GRM7: variants seen among roughly 807,000 people sequenced by gnomAD.
GRM7 encodes the protein glutamate metabotropic receptor 7.
A neutral mutation model predicts 84.5 loss-of-function variants in GRM7; 35 were observed. That is an observed-to-expected ratio of 0.41 (90% CI 0.32 to 0.55). The LOEUF (loss-of-function observed/expected upper bound fraction) is 0.55, where lower values mean the gene tolerates loss of function less well. Among genes scored for constraint, GRM7 ranks in the 20% least tolerant of loss-of-function variants. The pLI, the probability that GRM7 is intolerant of heterozygous loss-of-function variation, is 0.19. For synonymous variants in GRM7, 487 were observed against 455.1 expected (o/e 1.07, Z -0.89); for missense variants, 1,003 against 1,194.6 (o/e 0.84, Z 2.36).
In GRM7 at chr3:7,615,576, C is replaced by A. The variant is rs558954701; in HGVS notation, c.2451+36219C>A. ...TGGATAATATTTTTCCTATGGAAAA[C>A]TGACTTCTGCTTCTGAGTAAGGCTG... On this transcript the variant is annotated intron_variant, in intron 8 of 9. Coordinates refer to ENST00000357716, the MANE Select transcript of GRM7 (RefSeq NM_000844.4). Among the ~76,000 whole-genome samples the A allele has an allele frequency of 1.2e-4, 19 of 152,152 alleles. No individual in the cohort carries two copies. In the South Asian group the frequency reaches 3.7e-3, roughly 30 times the overall value.
intron 7 of GRM7, chr3:7,559,174 GC>G (rs1467374523): frequency 1.3e-5 from 2 of 149,078 alleles, no homozygotes; most frequent in Non-Finnish European, 3.0e-5. Context: ...TTACCAAGGG[GC>G]CTTGCACTGA....
At chr3:7,726,854 G>A (rs1226492309) in intron 9 of GRM7, among the ~76,000 whole-genome samples, 1 of 149,656 alleles carries the variant, frequency 6.7e-6, no homozygotes, top group Non-Finnish European at 1.5e-5. Flanking sequence ...TCCCAACATG[G>A]CTGTTTCCTT....
intron 7 of GRM7, among the ~76,000 whole-genome samples, chr3:7,505,855 C>T (rs543779613): frequency 3.9e-5 from 6 of 152,260 alleles, no homozygotes; most frequent in African/African-American, 1.4e-4. Flanking sequence ...AAATGTCTTC[C>T]AAGTTTTTCT....
chr3:7,257,962 G>C (rs2124951833), intron 2 of GRM7, among the ~76,000 whole-genome samples: 1 of 152,192 alleles, frequency 6.6e-6, no homozygotes, highest in South Asian at 2.1e-4. Context: ...AGTTTTGATT[G>C]ATTGAGCCAT....
intron 1 of GRM7, among the ~76,000 whole-genome samples, chr3:6,937,997 A>G (rs1322835870): frequency 6.6e-6 from 1 of 152,170 alleles, no homozygotes; most frequent in Non-Finnish European, 1.5e-5. Flanking sequence ...CTGAGTGGGG[A>G]AAAGTTAAGA....
Position 7,697,111 on chromosome 3 carries a change from C to T in GRM7, c.2698+16816C>T, listed in dbSNP as rs937579103. On this transcript the variant is annotated intron_variant, in intron 9 of 9. Coordinates refer to ENST00000357716, the MANE Select transcript of GRM7 (RefSeq NM_000844.4). ...GTCTTTCTTTCTATGAACTTGCATACAAGCTATACATTTTTAAAAATATTG... is the reference window on the plus strand; with the variant it reads ...GTCTTTCTTTCTATGAACTTGCATATAAGCTATACATTTTTAAAAATATTG... Among the ~76,000 whole-genome samples the T allele has an allele frequency of 1.1e-4, 16 of 152,050 alleles. 1 individual carries two copies. The highest frequency in any genetic ancestry group is 1.5e-5 in the Non-Finnish European group (1 of 68,008).
At chr3:7,612,909 T>C (rs1441342682) in intron 8 of GRM7, among the ~76,000 whole-genome samples, 1 of 152,212 alleles carries the variant, frequency 6.6e-6, no homozygotes, top group African/African-American at 2.4e-5. Context: ...CAGGATTTCA[T>C]TTCTTTCAAC....
At chr3:7,728,940 G>A (rs1702219427) in intron 9 of GRM7, among the ~76,000 whole-genome samples, 1 of 152,066 alleles carries the variant, frequency 6.6e-6, no homozygotes, top group African/African-American at 2.4e-5. Context: ...TTCCTAGCTG[G>A]TCTTCTTTCT....
chr3:7,355,583 C>T (rs1693362119), intron 4 of GRM7, among the ~76,000 whole-genome samples: 1 of 152,062 alleles, frequency 6.6e-6, no homozygotes, highest in Non-Finnish European at 1.5e-5. Flanking sequence ...CAGCTTTTGG[C>T]ACTCTACTAA....
At chr3:7,387,201 T>C (rs1425699976) in intron 4 of GRM7, among the ~76,000 whole-genome samples, 1 of 152,218 alleles carries the variant, frequency 6.6e-6, no homozygotes. Context: ...CTCTGTTCGA[T>C]GCATAGTTTC....
intron 1 of GRM7, among the ~76,000 whole-genome samples, chr3:6,929,472 A>C (rs1398949127): frequency 6.6e-6 from 1 of 152,212 alleles, no homozygotes; most frequent in Non-Finnish European, 1.5e-5. Context: ...GTTCATGAAG[A>C]TGATACAGTA....
intron 2 of GRM7, among the ~76,000 whole-genome samples, chr3:7,216,386 A>G (rs1055052196): frequency 1.3e-5 from 2 of 152,202 alleles, no homozygotes; most frequent in Non-Finnish European, 2.9e-5. Context: ...GTGTTTCTGT[A>G]TCTGTGATAG....
chr3:7,121,222 A>G (rs1321389851), intron 1 of GRM7, among the ~76,000 whole-genome samples: 3 of 152,174 alleles, frequency 2.0e-5, no homozygotes, highest in Non-Finnish European at 2.9e-5. Context: ...AAAAGAAGTG[A>G]CTAATTGACC....
chr3:7,204,365 G>A (rs965045952), intron 2 of GRM7, among the ~76,000 whole-genome samples: 3 of 152,216 alleles, frequency 2.0e-5, no homozygotes, highest in African/African-American at 7.2e-5. Context: ...TCTTTTTCAT[G>A]CCCAGAGCAA....
intron 7 of GRM7, among the ~76,000 whole-genome samples, chr3:7,534,296 G>A (rs748180016): frequency 2.6e-5 from 4 of 152,156 alleles, no homozygotes; most frequent in Non-Finnish European, 5.9e-5. Flanking sequence ...TTACAGGCGT[G>A]AGCCATGGCG....
intron 7 of GRM7, among the ~76,000 whole-genome samples, chr3:7,530,453 A>G (rs1414058540): frequency 6.6e-6 from 1 of 152,186 alleles, no homozygotes; most frequent in Non-Finnish European, 1.5e-5. Flanking sequence ...CTTTGGGTTT[A>G]TACTCAGCAA....
chr3:7,649,832 T>C (rs538490585), intron 8 of GRM7, among the ~76,000 whole-genome samples: 2 of 141,244 alleles, frequency 1.4e-5, no homozygotes, highest in African/African-American at 5.3e-5. Flanking sequence ...AAAAAAAAAA[T>C]AGGAAACAGG....
In GRM7 at chr3:7,569,099, A is replaced by T. The variant is rs542112709; in HGVS notation, c.1516-9323A>T. Among the ~76,000 whole-genome samples the T allele has an allele frequency of 7.9e-5, 12 of 152,236 alleles. No homozygotes were observed. The South Asian group carries it at 2.3e-3, about 29-fold the overall frequency. ...ACTTGGAGAACCTTTATGTCTAGCT[A>T]AGGGATTGTAAATACACCTATCAGC... On this transcript the variant is annotated intron_variant, in intron 7 of 9. Transcript: ENST00000357716.
rs114348575 is a variant in GRM7 at position 7,057,310 on chromosome 3, A to G, written c.520-89142A>G. On this transcript the variant is annotated intron_variant, in intron 1 of 9. Transcript: ENST00000357716. The stretch of plus-strand genomic sequence containing the variant: ...CTGATATCTGTTTACCCCTGTATTT[A>G]TACATATCTTTTGTTTTATAGATCA... Among the ~76,000 whole-genome samples, 1,241 of 152,080 alleles carry G rather than the reference A, an allele frequency of 8.2e-3. 8 individuals carry two copies. Among genetic ancestry groups the G allele is most frequent in the African/African-American group, 0.02 (823 of 41,556 alleles).
Sources: gnomAD v4.1 joint callset for allele counts (sites outside exome capture counted in the v4.1 genomes callset) on GRCh38, gnomAD v4.1.1 for gene constraint, MANE v1.5 for transcripts, NCBI Gene and HGNC (gene_info 2026-07-23, HGNC 2026-07-21) for gene names.